Variants in LAMB1 observed in about 807,000 individuals in gnomAD.
The protein encoded by LAMB1 is laminin subunit beta-1.
LAMB1 carries 121 observed loss-of-function variants against 222.3 expected under a neutral mutation model. The observed-to-expected ratio is 0.54, with a 90% CI of 0.47 to 0.63. The LOEUF (loss-of-function observed/expected upper bound fraction) is 0.63. Ranked by LOEUF, LAMB1 falls within the 30% of genes least tolerant of loss-of-function variation. The probability of loss-of-function intolerance (pLI) is 0.00; values close to 1 mark genes in which losing one functional copy is unlikely to be tolerated. For missense variants in LAMB1, 2,172 were observed against 2,240.8 expected (o/e 0.97, Z 0.62); for synonymous variants, 794 against 807.2 (o/e 0.98, Z 0.28).
At chr7:107,940,895 A>C (rs1257474402) in intron 24 of LAMB1, among the ~76,000 whole-genome samples, 1 of 152,208 alleles carries the variant, frequency 6.6e-6, no homozygotes, top group Non-Finnish European at 1.5e-5. Flanking sequence ...CACAAATGAG[A>C]AGCTCTTTAC....
intron 13 of LAMB1, among the ~76,000 whole-genome samples, chr7:107,966,104 A>C (rs1368026957): frequency 6.6e-6 from 1 of 152,046 alleles, no homozygotes; most frequent in South Asian, 2.1e-4. Flanking sequence ...TCTCAAAATA[A>C]ATAAATAAAT....
chr7:107,926,401 A>G (rs760806221), intron 31 of LAMB1, 42 bp from the exon 32 acceptor site: 2 of 1,557,600 alleles, frequency 1.3e-6, no homozygotes, highest in Admixed American at 3.4e-5. Context: ...TAGTTTAAGA[A>G]ATGGAATTAC....
rs7561 is a variant in LAMB1 at position 107,923,921 on chromosome 7, T to G, written c.*30A>C. 0.6 allele frequency: 939,327 copies of G among 1,578,188 alleles called. 284,486 individuals carry two copies. Among genetic ancestry groups the G allele is most frequent in the East Asian group, 0.86 (37,653 of 43,694 alleles). On this transcript the variant is annotated 3_prime_UTR_variant, in exon 34 of 34. Transcript: ENST00000222399. ...TTTAAAATGTAGTTGTTTTACCTTGTTCACCTCAGCCATTTTTTATTCTCC... is the reference window on the plus strand; with the variant it reads ...TTTAAAATGTAGTTGTTTTACCTTGGTCACCTCAGCCATTTTTTATTCTCC...
At chr7:107,982,768 T>G (rs2033998552) in intron 7 of LAMB1, among the ~76,000 whole-genome samples, 1 of 152,234 alleles carries the variant, frequency 6.6e-6, no homozygotes, top group South Asian at 2.1e-4. Flanking sequence ...AAATCACTTT[T>G]GAAGTGAGTC....
intron 7 of LAMB1, among the ~76,000 whole-genome samples, chr7:107,982,820 T>C (rs1238636903): frequency 6.6e-6 from 1 of 152,204 alleles, no homozygotes; most frequent in Non-Finnish European, 1.5e-5. Context: ...ATTGCTCCCT[T>C]GATTACAAAG....
chr7:107,954,331 A>ATTT (rs35519789), intron 21 of LAMB1, among the ~76,000 whole-genome samples: 8 of 133,618 alleles, frequency 6.0e-5, no homozygotes, highest in African/African-American at 2.2e-4. Context: ...ATTTTGTAAA[A>ATTT]TTTTTTTTTT....
intron 9 of LAMB1, among the ~76,000 whole-genome samples, chr7:107,976,317 G>T (rs28651758): frequency 1.3e-5 from 2 of 152,094 alleles, no homozygotes; most frequent in Non-Finnish European, 2.9e-5. Context: ...TTCAAGGACC[G>T]TGAGGCCTGA....
intron 13 of LAMB1, among the ~76,000 whole-genome samples, chr7:107,971,576 T>TC (rs963331235): frequency 3.9e-5 from 6 of 152,178 alleles, no homozygotes; most frequent in Admixed American, 3.9e-4. Context: ...GTTCTTTTTT[T>TC]CCCCTCCACC....
At chr7:107,941,654 GA>G (rs752916538) in intron 24 of LAMB1, among the ~76,000 whole-genome samples, 2 of 101,426 alleles carry the variant, frequency 2.0e-5, no homozygotes, top group African/African-American at 7.7e-5. Flanking sequence ...TGCTTTCTCG[GA>G]TTTTTTTTTT....
At chr7:107,988,957 G>A (rs1012617255) in intron 5 of LAMB1, among the ~76,000 whole-genome samples, 1 of 152,190 alleles carries the variant, frequency 6.6e-6, no homozygotes. Flanking sequence ...AGGAAACCAA[G>A]GCACCCTCAC....
At chr7:107,942,973 A>G (rs145962485) in intron 24 of LAMB1, among the ~76,000 whole-genome samples, 17 of 152,244 alleles carry the variant, frequency 1.1e-4, no homozygotes, top group African/African-American at 3.9e-4. Flanking sequence ...CCAAGACCTT[A>G]GGATTTCAAA....
At chr7:107,925,019 A>G (rs1307290311) in intron 32 of LAMB1, among the ~76,000 whole-genome samples, 1 of 152,194 alleles carries the variant, frequency 6.6e-6, no homozygotes, top group Non-Finnish European at 1.5e-5. Flanking sequence ...GCCCTGAAGC[A>G]GAGTACTTGA....
At chr7:107,962,707 CAAAAAAA>C (rs57580761) in intron 15 of LAMB1, among the ~76,000 whole-genome samples, 191 bp downstream of exon 15, 4 of 98,694 alleles carry the variant, frequency 4.1e-5, no homozygotes, top group African/African-American at 1.4e-4. Context: ...GAGCGAGACT[CAAAAAAA>C]AAAAAAAAAA....
chr7:107,940,412 C>G, intron 24 of LAMB1, 54 bp from the exon 25 acceptor site: 1 of 1,547,954 alleles, frequency 6.5e-7, no homozygotes, highest in Non-Finnish European at 8.8e-7. Flanking sequence ...ACCTCAGTGA[C>G]AAGATGTGGC....
chr7:107,990,029 T>C (rs376552505), intron 5 of LAMB1, among the ~76,000 whole-genome samples: 1 of 135,620 alleles, frequency 7.4e-6, no homozygotes, highest in East Asian at 2.1e-4. Flanking sequence ...TTTTTTGTGT[T>C]TTTTTTTGTT....
chr7:107,941,613 A>T lies in LAMB1; in HGVS notation c.3392-1255T>A, dbSNP rs559409903. Among the ~76,000 whole-genome samples, 7 of 152,034 alleles carry T rather than the reference A, an allele frequency of 4.6e-5. No homozygotes were observed. In the South Asian group the frequency reaches 1.5e-3, roughly 32 times the overall value. On this transcript the variant is annotated intron_variant, in intron 24 of 33. Transcript: ENST00000222399. ...AAGAAAATAATCCTCCTGAAGTGCAATGTCAACTGTGGCAAAGCACAACAG... is the reference window on the plus strand; with the variant it reads ...AAGAAAATAATCCTCCTGAAGTGCATTGTCAACTGTGGCAAAGCACAACAG...
Position 108,002,334 on chromosome 7 carries a change from G to A in LAMB1, c.37+515C>T, listed in dbSNP as rs767467817. 20 of 1,315,342 alleles carry A rather than the reference G, an allele frequency of 1.5e-5. No individual in the cohort carries two copies. In the South Asian group the frequency reaches 2.2e-4, roughly 15 times the overall value. 81.5% of individuals were successfully genotyped at this position (1,315,342 alleles called of 1,614,324 possible). A position where few individuals can be genotyped will look rare whatever the true frequency, so the allele number is the denominator to read the frequency against. ...CCCATGGACAGTCCCTGGGGCTCTG[G>A]AGTGGTTTCAAGGCTTCTCCATTCC... On this transcript the variant is annotated intron_variant, in intron 2 of 33. Transcript: ENST00000222399.
At chr7:107,975,580 AC>A (rs1239878573) in intron 10 of LAMB1, 108 bp downstream of exon 10, 63 of 1,292,512 alleles carry the variant, frequency 4.9e-5, no homozygotes, top group Non-Finnish European at 6.4e-5. Flanking sequence ...AATTACAATA[AC>A]AATGCTGGCT....
At chr7:107,995,041 A>C in intron 4 of LAMB1, 81 bp from the exon 5 acceptor site, 1 of 738,744 alleles carries the variant, frequency 1.4e-6, no homozygotes, top group Non-Finnish European at 2.2e-6. Context: ...CTATTTTTTA[A>C]ATTACTTTTA....
Sources: allele counts gnomAD v4.1 joint callset (sites outside exome capture counted in the v4.1 genomes callset), GRCh38; gene constraint gnomAD v4.1.1; transcripts MANE v1.5; gene names NCBI Gene and HGNC (gene_info 2026-07-23, HGNC 2026-07-21).